The following IL23R variants were observed in gnomAD, a reference collection of about 807,000 sequenced individuals.
IL23R encodes the protein interleukin 23 receptor.
IL23R carries 34 observed loss-of-function variants against 56.9 expected under a neutral mutation model. The observed-to-expected ratio is 0.60, with a 90% CI of 0.45 to 0.80. IL23R has a LOEUF of 0.80. IL23R is among the 30% of genes least tolerant of loss of function. IL23R has a pLI of 0.00. For synonymous variants in IL23R, 230 were observed against 249.2 expected (o/e 0.92, Z 0.73); for missense variants, 635 against 730.0 (o/e 0.87, Z 1.50).
At chr1:67,173,383 C>T (rs756460705) in intron 3 of IL23R, among the ~76,000 whole-genome samples, 1 of 152,106 alleles carries the variant, frequency 6.6e-6, no homozygotes, top group Non-Finnish European at 1.5e-5. Context: ...TGGAGTAACA[C>T]AGCCCAAACA....
intron 9 of IL23R, among the ~76,000 whole-genome samples, chr1:67,254,463 T>C (rs1652831859): frequency 6.6e-6 from 1 of 151,908 alleles, no homozygotes; most frequent in African/African-American, 2.4e-5. Flanking sequence ...GTATAAAAAC[T>C]TTACTCCAAT....
At chr1:67,201,640 A>C (rs1241597570) in intron 5 of IL23R, among the ~76,000 whole-genome samples, 2 of 150,668 alleles carry the variant, frequency 1.3e-5, no homozygotes, top group Admixed American at 6.6e-5. Flanking sequence ...AAATTCTTAT[A>C]CTCTATACAC....
chr1:67,155,068 T>A (rs1646759817), intron 1 of IL23R, among the ~76,000 whole-genome samples: 1 of 152,192 alleles, frequency 6.6e-6, no homozygotes, highest in Non-Finnish European at 1.5e-5. Flanking sequence ...TGGCTGGATA[T>A]GAAATTCTGG....
At chr1:67,210,364 A>G (rs1479318020) in intron 6 of IL23R, among the ~76,000 whole-genome samples, 1 of 152,242 alleles carries the variant, frequency 6.6e-6, no homozygotes, top group Non-Finnish European at 1.5e-5. Context: ...ATATTTTAAA[A>G]GAAATGCTAT....
intron 1 of IL23R, among the ~76,000 whole-genome samples, chr1:67,157,413 T>C (rs1422910852): frequency 2.0e-5 from 3 of 152,198 alleles, no homozygotes; most frequent in Non-Finnish European, 4.4e-5. Flanking sequence ...TAGAATAAAA[T>C]TGTTTTCACT....
upstream of IL23R, among the ~76,000 whole-genome samples, chr1:67,164,709 C>T (rs966073660): frequency 1.3e-5 from 2 of 151,642 alleles, no homozygotes; most frequent in Admixed American, 6.6e-5. Flanking sequence ...TTTCCATAGC[C>T]TCCTAACTGG....
chr1:67,250,599 G>A (rs1036104665), intron 9 of IL23R, among the ~76,000 whole-genome samples: 26 of 152,094 alleles, frequency 1.7e-4, no homozygotes, highest in Non-Finnish European at 2.4e-4. Context: ...ACCAATAATC[G>A]TTAAAGCCAT....
chr1:67,239,438 A>C (rs181707403), intron 8 of IL23R, among the ~76,000 whole-genome samples: 1 of 152,070 alleles, frequency 6.6e-6, no homozygotes, highest in East Asian at 1.9e-4. Context: ...TAATTTTTGT[A>C]ATTTTTGTAG....
chr1:67,235,391 T>A (rs1304133313), intron 7 of IL23R, among the ~76,000 whole-genome samples: 1 of 40,832 alleles, frequency 2.4e-5, no homozygotes, highest in African/African-American at 1.1e-4. Context: ...CCTTTTTTCT[T>A]TTTTCTTTTT....
At chr1:67,228,894 C>T (rs989474368) in intron 7 of IL23R, among the ~76,000 whole-genome samples, 1 of 152,176 alleles carries the variant, frequency 6.6e-6, no homozygotes, top group African/African-American at 2.4e-5. Flanking sequence ...ATAGCCACTT[C>T]CTCTCAATTC....
At chr1:67,252,819 A>G (rs1165257564) in intron 9 of IL23R, among the ~76,000 whole-genome samples, 1 of 141,906 alleles carries the variant, frequency 7.0e-6, no homozygotes, top group Non-Finnish European at 1.5e-5. Flanking sequence ...AAAAAAAAAA[A>G]GAGAGAAGTG....
At chr1:67,251,059 CAT>C (rs1357160199) in intron 9 of IL23R, among the ~76,000 whole-genome samples, 44 of 152,118 alleles carry the variant, frequency 2.9e-4, no homozygotes, top group African/African-American at 1.0e-3. Flanking sequence ...TAGGGCCTCT[CAT>C]GTGTGCCTTA....
intron 7 of IL23R, among the ~76,000 whole-genome samples, chr1:67,223,198 G>A (rs1239490722): frequency 6.6e-6 from 1 of 152,130 alleles, no homozygotes; most frequent in Non-Finnish European, 1.5e-5. Context: ...AGGTTGCAGT[G>A]AGCCAAGATC....
intron 3 of IL23R, among the ~76,000 whole-genome samples, chr1:67,174,346 G>T (rs1646982102): frequency 6.6e-6 from 1 of 151,152 alleles, no homozygotes; most frequent in Admixed American, 6.6e-5. Flanking sequence ...TTGCTAATTT[G>T]ATAGGCTTGA....
At chr1:67,249,736 A>G (rs1348872163) in intron 9 of IL23R, among the ~76,000 whole-genome samples, 1 of 152,198 alleles carries the variant, frequency 6.6e-6, no homozygotes, top group Non-Finnish European at 1.5e-5. Flanking sequence ...GGGGTTAGAA[A>G]GACAATTTTG....
chr1:67,249,924 CAATTTT>C (rs1233006246), intron 9 of IL23R, among the ~76,000 whole-genome samples: 2 of 152,114 alleles, frequency 1.3e-5, no homozygotes, highest in Non-Finnish European at 2.9e-5. Flanking sequence ...GCTTTTATTT[CAATTTT>C]AATTTATAGA....
intron 9 of IL23R, among the ~76,000 whole-genome samples, chr1:67,251,424 C>A (rs1652616074): frequency 1.4e-5 from 2 of 145,852 alleles, no homozygotes; most frequent in Non-Finnish European, 3.0e-5. Context: ...TGCACTCCAG[C>A]CTGGGTGACA....
chr1:67,152,780 G>A (rs541341130), intron 1 of IL23R, among the ~76,000 whole-genome samples: 1 of 152,158 alleles, frequency 6.6e-6, no homozygotes, highest in Non-Finnish European at 1.5e-5. Context: ...AACCAGCCTA[G>A]CATCCCAGGG....
intron 4 of IL23R, among the ~76,000 whole-genome samples, chr1:67,189,934 C>CA (rs1050960301): frequency 2.2e-4 from 33 of 149,916 alleles, no homozygotes; most frequent in South Asian, 4.2e-4. Context: ...GACCCTGTCT[C>CA]AAAAAAAAAG....
Sources: allele counts gnomAD v4.1 joint callset (sites outside exome capture counted in the v4.1 genomes callset), GRCh38; gene constraint gnomAD v4.1.1; transcripts MANE v1.5; gene names NCBI Gene and HGNC (gene_info 2026-07-23, HGNC 2026-07-21).